The following ADAMTS5 variants were observed in gnomAD, a reference collection of about 807,000 sequenced individuals.
ADAMTS5 encodes the protein ADAM metallopeptidase with thrombospondin type 1 motif 5, also known as A disintegrin and metalloproteinase with thrombospondin motifs 5.
In ADAMTS5, 54 loss-of-function variants were observed where a neutral mutation model predicts 81.4. That is an observed-to-expected ratio of 0.66 (90% CI 0.53 to 0.83). The LOEUF (loss-of-function observed/expected upper bound fraction) is 0.83, where lower values mean the gene tolerates loss of function less well. Among genes scored for constraint, ADAMTS5 ranks in the 40% least tolerant of loss-of-function variants. The pLI, the probability that ADAMTS5 is intolerant of heterozygous loss-of-function variation, is 0.00. For synonymous variants in ADAMTS5, 532 were observed against 508.8 expected (o/e 1.05, Z -0.61); for missense variants, 1,194 against 1,229.9 (o/e 0.97, Z 0.44).
At chr21:26,954,602 C>T (rs779162779) in intron 2 of ADAMTS5, 137 bp downstream of exon 2, 11 of 1,303,818 alleles carry the variant, frequency 8.4e-6, no homozygotes, top group Non-Finnish European at 1.1e-5. Context: ...CTTAAAAGTG[C>T]AGATATAAAC....
At position 26,922,890 on chromosome 21, in the gene ADAMTS5, C is replaced by A. The variant is rs995727069; in HGVS notation, c.*1163G>T. The A allele has an allele frequency of 6.6e-6, 1 of 152,572 alleles. No individual in the cohort carries two copies. Among genetic ancestry groups the A allele is most frequent in the Non-Finnish European group, 1.5e-5 (1 of 68,002 alleles). The allele number at this position is 152,572 out of a possible 1,614,324, so 9.5% of individuals were successfully genotyped here. A position where few individuals can be genotyped will look rare whatever the true frequency, so the allele number is the denominator to read the frequency against. ...CACTTTTTGGCATTAACCACATTAACAATGATAACCACTTCTCAATGTGGC... is the reference window on the plus strand; with the variant it reads ...CACTTTTTGGCATTAACCACATTAAAAATGATAACCACTTCTCAATGTGGC... On this transcript the variant is annotated 3_prime_UTR_variant, in exon 8 of 8. Coordinates refer to ENST00000284987, the MANE Select transcript of ADAMTS5 (RefSeq NM_007038.5).
intron 3 of ADAMTS5, among the ~76,000 whole-genome samples, chr21:26,937,706 G>T (rs535260968): frequency 6.6e-6 from 1 of 152,140 alleles, no homozygotes; most frequent in Non-Finnish European, 1.5e-5. Context: ...AGGAGTAAAA[G>T]GGGAAACTGA....
At chr21:26,939,657 A>G (rs889611065) in intron 3 of ADAMTS5, 1 of 152,226 alleles carries the variant, frequency 6.6e-6, no homozygotes, top group African/African-American at 2.4e-5. Context: ...CTTGAGCTGT[A>G]TCTACATAAG....
At chr21:26,943,648 G>A (rs990628315) in intron 2 of ADAMTS5, 101 bp from the exon 3 acceptor site, 1 of 1,121,176 alleles carries the variant, frequency 8.9e-7, no homozygotes, top group Non-Finnish European at 1.3e-6. Context: ...CCTAATTGTA[G>A]ATGAGTTCAC....
rs1986640188 is a variant in ADAMTS5, at chr21:26,919,193, A to AAAAAAATT, written c.*4852_*4859dup. 1 of 151,848 alleles carries AAAAAAATT rather than the reference A, an allele frequency of 6.6e-6. No homozygotes were observed. Among genetic ancestry groups the AAAAAAATT allele is most frequent in the Non-Finnish European group, 1.5e-5 (1 of 67,940 alleles). The allele number at this position is 151,848 out of a possible 1,614,324, so 9.4% of individuals were successfully genotyped here. A position where few individuals can be genotyped will look rare whatever the true frequency, so the allele number is the denominator to read the frequency against. The stretch of plus-strand genomic sequence containing the variant: ...CATTGGGTGTGCCAAAGGAAAGTGG[A>AAAAAAATT]AAAAAATTAAAAAGCATGCCCTGTT... On this transcript the variant is annotated 3_prime_UTR_variant, in exon 8 of 8. Transcript: ENST00000284987.
chr21:26,952,526 G>T (rs1319968708), intron 2 of ADAMTS5, among the ~76,000 whole-genome samples: 1 of 152,216 alleles, frequency 6.6e-6, no homozygotes, highest in East Asian at 1.9e-4. Context: ...TGAGGTCAAA[G>T]CATCCCTGAA....
In ADAMTS5 at chr21:26,966,473, G is replaced by A. The variant is rs1346957001; in HGVS notation, c.-82C>T. 1 of 1,333,046 alleles carries A rather than the reference G, an allele frequency of 7.5e-7. No individual in the cohort carries two copies. Among genetic ancestry groups the A allele is most frequent in the African/African-American group, 1.6e-5 (1 of 64,310 alleles). The allele number at this position is 1,333,046 out of a possible 1,614,324, so 82.6% of individuals were successfully genotyped here. ...TTGCTATGAAGTTAACGGGGCGGGG[G>A]ATGGGGACACACACACACTTGCTTG... On this transcript the variant is annotated 5_prime_UTR_variant, in exon 1 of 8. Coordinates refer to ENST00000284987, the MANE Select transcript of ADAMTS5 (RefSeq NM_007038.5).
rs150380425 is a variant in ADAMTS5 at position 26,924,369 on chromosome 21, G to A, written c.2477C>T (p.Thr826Met). 2.7e-5 allele frequency: 44 copies of A among 1,613,982 alleles called. No homozygotes were observed. The highest frequency in any genetic ancestry group is 6.6e-5 in the South Asian group (6 of 91,094). The change falls in exon 8 of 8, where the codon ACG becomes ATG. Residue 826 changes from threonine (T) to methionine (M), a missense_variant. Transcript: ENST00000284987. ...AATCTGCACTATTAGAATTTCCTTC[G>A]TGGCAGAGTAGCCCATGCCATGCAG... The part of the protein sequence containing the change: ...DFLHGMGYSA[T>M]KEILIVQILA...
intron 1 of ADAMTS5, 93 bp downstream of exon 1, chr21:26,965,195 A>C (rs1987613504): frequency 4.0e-6 from 6 of 1,491,234 alleles, no homozygotes; most frequent in Non-Finnish European, 5.4e-6. Context: ...CAGCTGCAGG[A>C]GGTTTGAGGG....
At position 26,918,631 on chromosome 21, in the gene ADAMTS5, A is replaced by T. The variant is rs1167600009; in HGVS notation, c.*5422T>A. 1 of 152,010 alleles carries T rather than the reference A, an allele frequency of 6.6e-6. No homozygotes were observed. The highest frequency in any genetic ancestry group is 1.5e-5 in the Non-Finnish European group (1 of 67,936). 9.4% of individuals were successfully genotyped at this position (152,010 alleles called of 1,614,324 possible). ...AATGCAAAAATAGCATCCAGAGATT[A>T]TATATTTCTTAATCAAAAGTCTAGC... is the stretch of plus-strand genomic sequence containing the variant. On this transcript the variant is annotated 3_prime_UTR_variant, in exon 8 of 8. Transcript: ENST00000284987.
At chr21:26,956,959 CTTG>C (rs1239785637) in intron 1 of ADAMTS5, among the ~76,000 whole-genome samples, 10 of 152,190 alleles carry the variant, frequency 6.6e-5, no homozygotes, top group African/African-American at 2.2e-4. Flanking sequence ...AACAGAAGCA[CTTG>C]TTATTTTTTT....
chr21:26,951,887 A>C (rs1382234490), intron 2 of ADAMTS5, among the ~76,000 whole-genome samples: 1 of 152,092 alleles, frequency 6.6e-6, no homozygotes, highest in Non-Finnish European at 1.5e-5. Flanking sequence ...CTCTGTAATA[A>C]TACACAGATG....
rs563792144 is a variant in ADAMTS5 at position 26,958,364 on chromosome 21, C to A, written c.1105-3493G>T. Among the ~76,000 whole-genome samples the A allele has an allele frequency of 1.7e-4, 26 of 151,726 alleles. No individual in the cohort carries two copies. The East Asian group carries it at 4.8e-3, about 28-fold the overall frequency. ...ATGGAGCTCAAGGGAAGAGCACATA[C>A]ACACACACACACAAACGCATGCATA... On this transcript the variant is annotated intron_variant, in intron 1 of 7. Transcript: ENST00000284987.
intron 7 of ADAMTS5, among the ~76,000 whole-genome samples, chr21:26,928,799 C>T (rs1392928118): frequency 2.0e-5 from 3 of 150,232 alleles, no homozygotes; most frequent in African/African-American, 7.4e-5. Flanking sequence ...GTCTGCTCTT[C>T]TCTGGCATTC....
intron 2 of ADAMTS5, among the ~76,000 whole-genome samples, chr21:26,950,280 A>G (rs1464776194): frequency 1.3e-5 from 2 of 152,242 alleles, no homozygotes; most frequent in Non-Finnish European, 2.9e-5. Flanking sequence ...CCCAACATCA[A>G]TAAAATTATT....
At chr21:26,927,076 C>A (rs1389954798) in intron 7 of ADAMTS5, among the ~76,000 whole-genome samples, 3 of 152,120 alleles carry the variant, frequency 2.0e-5, no homozygotes, top group Non-Finnish European at 4.4e-5. Context: ...ATCATTTAAA[C>A]TCCAGACACT....
intron 2 of ADAMTS5, among the ~76,000 whole-genome samples, chr21:26,950,838 C>A (rs998086730): frequency 2.6e-5 from 4 of 151,542 alleles, no homozygotes; most frequent in Non-Finnish European, 4.4e-5. Context: ...CCTCTATTTA[C>A]CTTATGAGTT....
In ADAMTS5 at chr21:26,932,049, G is replaced by T. The variant is rs1468143424; in HGVS notation, c.2004C>A (p.Thr668=). 6.2e-7 allele frequency: 1 copy of T among 1,614,090 alleles called. No homozygotes were observed. Among genetic ancestry groups the T allele is most frequent in the South Asian group, 1.1e-5 (1 of 91,066 alleles). ...GVLPADVCKL[T]CRAKGTGYYV... ...AGTAGCCAGTGCCCTTGGCTCTGCA[G>T]GTCAGCTTGCACACATCCGCTGGCA... Residue 668 remains threonine (T), a synonymous_variant, in exon 6 of 8, where the codon ACC becomes ACA. Transcript: ENST00000284987.
intron 1 of ADAMTS5, among the ~76,000 whole-genome samples, chr21:26,960,859 C>T (rs1395938326): frequency 6.6e-6 from 1 of 152,208 alleles, no homozygotes; most frequent in Non-Finnish European, 1.5e-5. Context: ...CAATGCCTAT[C>T]TCCTCCTTAC....
Sources: gnomAD v4.1 joint callset for allele counts (sites outside exome capture counted in the v4.1 genomes callset) on GRCh38, gnomAD v4.1.1 for gene constraint, MANE v1.5 for transcripts, NCBI Gene and HGNC (gene_info 2026-07-23, HGNC 2026-07-21) for gene names.